Variants in ANKRD31 observed in about 807,000 individuals in gnomAD.
ANKRD31 encodes the protein ankyrin repeat domain 31, also known as ankyrin repeat domain-containing protein 31.
In ANKRD31, 147 loss-of-function variants were observed where a neutral mutation model predicts 186.0. The ratio of observed to expected loss-of-function variants is 0.79; its 90% CI spans 0.69 to 0.91. The LOEUF is 0.91. Among genes scored for constraint, ANKRD31 ranks in the 40% least tolerant of loss-of-function variants. The pLI, the probability that ANKRD31 is intolerant of heterozygous loss-of-function variation, is 0.00. For synonymous variants in ANKRD31, 673 were observed against 736.4 expected, an observed-to-expected ratio of 0.91 and a Z score of 1.39; for missense variants, 1,986 against 2,148.8, an observed-to-expected ratio of 0.92 and a Z score of 1.50.
chr5:75,229,328 T>C (rs929770404), intron 2 of ANKRD31, among the ~76,000 whole-genome samples: 2 of 152,182 alleles, frequency 1.3e-5, no homozygotes, highest in African/African-American at 4.8e-5. Flanking sequence ...TTATTTACTT[T>C]TACAAATAGA....
chr5:75,118,095 A>G, intron 18 of ANKRD31, 40 bp downstream of exon 18: 1 of 1,307,986 alleles, frequency 7.6e-7, no homozygotes, highest in South Asian at 2.3e-5. Flanking sequence ...AAGCAGAGAT[A>G]TATCTCTATA....
chr5:75,092,462 T>TA (rs1745991731), intron 22 of ANKRD31, among the ~76,000 whole-genome samples: 1 of 152,086 alleles, frequency 6.6e-6, no homozygotes, highest in Non-Finnish European at 1.5e-5. Flanking sequence ...CAATGGGCAG[T>TA]AAGTGGAGCT....
chr5:75,196,751 C>T (rs1755494530), intron 6 of ANKRD31, among the ~76,000 whole-genome samples: 2 of 151,880 alleles, frequency 1.3e-5, no homozygotes, highest in African/African-American at 4.8e-5. Flanking sequence ...TATTACAAGC[C>T]CTAGCTGTGA....
intron 6 of ANKRD31, among the ~76,000 whole-genome samples, chr5:75,198,699 C>T (rs907407415): frequency 6.6e-6 from 1 of 152,092 alleles, no homozygotes; most frequent in Non-Finnish European, 1.5e-5. Flanking sequence ...TGAAATAGAT[C>T]CACAGAAGAA....
intron 22 of ANKRD31, 61 bp downstream of exon 22, chr5:75,104,167 G>T (rs1023898742): frequency 1.6e-4 from 214 of 1,329,420 alleles, no homozygotes; most frequent in South Asian, 5.2e-4. Context: ...TTATGTGACA[G>T]CAACATTTAC....
rs1442828785 is a variant in ANKRD31, at chr5:75,112,571, A to G, written c.4185T>C (p.Asp1395=). The change falls in exon 20 of 26, where the codon GAT becomes GAC. Residue 1395 remains aspartate (D), a synonymous_variant. Transcript: ENST00000506364. ...ATAAATATTCTTGTTTTTCTTCTATATCTTGTAGAATGGCACTGAGGGTCT... is the reference window on the plus strand; with the variant it reads ...ATAAATATTCTTGTTTTTCTTCTATGTCTTGTAGAATGGCACTGAGGGTCT... The part of the protein sequence containing the change: ...VHQTLSAILQ[D]IEEKQEYLLE... The G allele has an allele frequency of 9.2e-6, 14 of 1,524,806 alleles. No homozygotes were observed. Among genetic ancestry groups the G allele is most frequent in the South Asian group, 2.4e-5 (2 of 82,486 alleles). 94.5% of individuals were successfully genotyped at this position (1,524,806 alleles called of 1,614,324 possible).
chr5:75,117,857 T>A (rs1748424555), intron 18 of ANKRD31, among the ~76,000 whole-genome samples: 1 of 152,138 alleles, frequency 6.6e-6, no homozygotes, highest in African/African-American at 2.4e-5. Flanking sequence ...CAATTACATC[T>A]CTATCTCAAA....
chr5:75,219,555 A>G (rs1032644179), intron 3 of ANKRD31, among the ~76,000 whole-genome samples: 6 of 152,248 alleles, frequency 3.9e-5, no homozygotes, highest in African/African-American at 1.2e-4. Flanking sequence ...ATGAATAGGA[A>G]GACTCAATAT....
chr5:75,135,250 T>C (rs1387567903), intron 17 of ANKRD31, among the ~76,000 whole-genome samples: 1 of 152,226 alleles, frequency 6.6e-6, no homozygotes, highest in Non-Finnish European at 1.5e-5. Context: ...GATGACATGA[T>C]TGTATATTTA....
intron 22 of ANKRD31, among the ~76,000 whole-genome samples, chr5:75,098,750 A>T (rs989465957): frequency 3.5e-4 from 53 of 152,226 alleles, no homozygotes; most frequent in African/African-American, 1.2e-3. Flanking sequence ...GTTGGTGTAT[A>T]GAAATGCTTG....
chr5:75,158,095 A>T (rs1239974201), intron 11 of ANKRD31, among the ~76,000 whole-genome samples: 1 of 152,108 alleles, frequency 6.6e-6, no homozygotes, highest in African/African-American at 2.4e-5. Flanking sequence ...ATCCAAGGCA[A>T]TGTCCTTTGA....
intron 17 of ANKRD31, among the ~76,000 whole-genome samples, chr5:75,119,014 G>A (rs574259740): frequency 2.0e-4 from 30 of 152,146 alleles, no homozygotes; most frequent in African/African-American, 4.1e-4. Context: ...TGTTCAGGAC[G>A]TTTTATGAAC....
chr5:75,225,597 C>G (rs1025046589), intron 2 of ANKRD31: 1 of 238,564 alleles, frequency 4.2e-6, no homozygotes, highest in Non-Finnish European at 8.4e-6. Context: ...TGACAGGCAA[C>G]CAATAACACA....
At chr5:75,119,483 T>G (rs1240992893) in intron 17 of ANKRD31, among the ~76,000 whole-genome samples, 1 of 152,240 alleles carries the variant, frequency 6.6e-6, no homozygotes, top group Admixed American at 6.5e-5. Context: ...CCACATCTTA[T>G]TTATCCAATT....
chr5:75,175,752 G>T (rs764868332), intron 10 of ANKRD31, among the ~76,000 whole-genome samples: 1 of 152,032 alleles, frequency 6.6e-6, no homozygotes, highest in Non-Finnish European at 1.5e-5. Flanking sequence ...GTTGGTTGGG[G>T]TGGAGCCAAG....
At chr5:75,074,509 T>C (rs1030291988) in intron 25 of ANKRD31, among the ~76,000 whole-genome samples, 3 of 152,130 alleles carry the variant, frequency 2.0e-5, no homozygotes, top group Admixed American at 2.0e-4. Context: ...AAATACCCTA[T>C]ATATGTGAGT....
intron 23 of ANKRD31, among the ~76,000 whole-genome samples, chr5:75,090,442 T>C (rs551104773): frequency 6.6e-6 from 1 of 152,192 alleles, no homozygotes; most frequent in East Asian, 1.9e-4. Context: ...CAAAGGGGAC[T>C]GGGAGGGAGA....
In ANKRD31 at chr5:75,202,999, T is replaced by G. The variant is rs561373271; in HGVS notation, c.404-3325A>C. ...TCTTGCTTTGTCACCCAGGCTGTAATGCAGTGGCACAATCATAGCCAATTG... is the reference window on the plus strand; with the variant it reads ...TCTTGCTTTGTCACCCAGGCTGTAAGGCAGTGGCACAATCATAGCCAATTG... On this transcript the variant is annotated intron_variant, in intron 5 of 25. Coordinates refer to ENST00000506364, the MANE Select transcript of ANKRD31 (RefSeq NM_001372053.1). Among the ~76,000 whole-genome samples the G allele has an allele frequency of 5.3e-5, 8 of 152,318 alleles. No individual in the cohort carries two copies. In the South Asian group the frequency reaches 1.7e-3, roughly 32 times the overall value.
chr5:75,214,722 G>A (rs1030157092), intron 3 of ANKRD31, among the ~76,000 whole-genome samples: 1 of 152,306 alleles, frequency 6.6e-6, no homozygotes, highest in South Asian at 2.1e-4. Flanking sequence ...GGCTGCAAAA[G>A]GGAAAAGGAA....
Sources: allele counts gnomAD v4.1 joint callset (sites outside exome capture counted in the v4.1 genomes callset), GRCh38; gene constraint gnomAD v4.1.1; transcripts MANE v1.5; gene names NCBI Gene and HGNC (gene_info 2026-07-23, HGNC 2026-07-21).